JAK1: variants seen among roughly 807,000 people sequenced by gnomAD.
JAK1 encodes the protein Janus kinase 1.
JAK1 carries 16 observed loss-of-function variants against 136.6 expected under a neutral mutation model. The ratio of observed to expected loss-of-function variants is 0.12; its 90% CI spans 0.08 to 0.18. The LOEUF is 0.18. Ranked by LOEUF, JAK1 falls within the 10% of genes least tolerant of loss-of-function variation. JAK1 has a pLI of 1.00. For synonymous variants in JAK1, 492 were observed against 519.5 expected (o/e 0.95, Z 0.72); for missense variants, 859 against 1,450.1 (o/e 0.59, Z 6.62).
At chr1:64,877,278 T>C (rs954467098) in intron 4 of JAK1, among the ~76,000 whole-genome samples, 3 of 152,226 alleles carry the variant, frequency 2.0e-5, no homozygotes, top group African/African-American at 7.2e-5. Context: ...ATTATGAGGT[T>C]TCAAAATCTT....
At chr1:64,937,160 C>G (rs1645804325) in intron 1 of JAK1, among the ~76,000 whole-genome samples, 2 of 152,156 alleles carry the variant, frequency 1.3e-5, no homozygotes, top group Admixed American at 1.3e-4. Flanking sequence ...CACTGCCAAG[C>G]TGGCTCCCAG....
At chr1:64,983,953 C>A (rs975450565) in intron 2 of JAK1, among the ~76,000 whole-genome samples, 2 of 151,890 alleles carry the variant, frequency 1.3e-5, no homozygotes, top group African/African-American at 2.4e-5. Flanking sequence ...GGCACCACAT[C>A]ATTTACCCTC....
chr1:65,000,851 T>G (rs1185729948), intron 2 of JAK1, among the ~76,000 whole-genome samples: 1 of 145,350 alleles, frequency 6.9e-6, no homozygotes, highest in African/African-American at 2.6e-5. Context: ...AAAAGGAGGG[T>G]TTTTTTTTTG....
chr1:64,852,196 C>T (rs1655644751), intron 11 of JAK1, among the ~76,000 whole-genome samples: 1 of 152,238 alleles, frequency 6.6e-6, no homozygotes, highest in Admixed American at 6.5e-5. Flanking sequence ...TTATGACAAT[C>T]CTGTGGAATA....
intron 17 of JAK1, among the ~76,000 whole-genome samples, 181 bp downstream of exon 17, chr1:64,843,883 T>C (rs1342277185): frequency 6.6e-6 from 1 of 152,180 alleles, no homozygotes; most frequent in Non-Finnish European, 1.5e-5. Context: ...TTATAGATGA[T>C]GAAACTGAGG....
intron 1 of JAK1, among the ~76,000 whole-genome samples, chr1:64,915,815 T>C (rs1238318149): frequency 1.3e-5 from 2 of 152,186 alleles, no homozygotes; most frequent in Admixed American, 6.5e-5. Flanking sequence ...TAACTAGAGA[T>C]GTCAGGTGAA....
intron 2 of JAK1, chr1:64,974,801 CCAAT>C (rs1249821233): frequency 6.6e-6 from 1 of 152,242 alleles, no homozygotes; most frequent in Admixed American, 6.5e-5. Context: ...CTTGGTTAGG[CCAAT>C]CAGAGTCCTT....
chr1:64,862,700 G>A (rs1384598868), intron 8 of JAK1, among the ~76,000 whole-genome samples: 4 of 152,208 alleles, frequency 2.6e-5, no homozygotes, highest in Admixed American at 2.0e-4. Context: ...CATACACCAC[G>A]TTGAAGAGCC....
At chr1:65,047,427 A>T (rs1182551435) in intron 1 of JAK1, among the ~76,000 whole-genome samples, 1 of 152,138 alleles carries the variant, frequency 6.6e-6, no homozygotes, top group African/African-American at 2.4e-5. Context: ...ATAACTAAAA[A>T]GTCATACAAG....
At chr1:64,854,199 A>G (rs1262855385) in intron 11 of JAK1, among the ~76,000 whole-genome samples, 1 of 152,184 alleles carries the variant, frequency 6.6e-6, no homozygotes, top group Non-Finnish European at 1.5e-5. Flanking sequence ...TCAAGAACCC[A>G]GGTCCCTTTC....
chr1:64,970,934 C>T (rs555701405), upstream of JAK1, among the ~76,000 whole-genome samples: 1 of 152,174 alleles, frequency 6.6e-6, no homozygotes, highest in East Asian at 1.9e-4. Flanking sequence ...TAATAACAAC[C>T]ACCCAACCAT....
At chr1:64,913,654 A>AGGG (rs1396018628) in intron 1 of JAK1, among the ~76,000 whole-genome samples, 2 of 87,486 alleles carry the variant, frequency 2.3e-5, no homozygotes, top group African/African-American at 1.1e-4. Flanking sequence ...GAAGGAAGGA[A>AGGG]AGAAGGAAGG....
At chr1:64,941,940 C>A (rs186296933) in intron 1 of JAK1, 1 of 152,210 alleles carries the variant, frequency 6.6e-6, no homozygotes, top group African/African-American at 2.4e-5. Flanking sequence ...CCGACTGGAG[C>A]CCAGTCGGCC....
rs763192619 is a variant in JAK1 at position 64,836,237 on chromosome 1, A to G, written c.3141-22T>C. 6.4e-6 allele frequency: 9 copies of G among 1,401,958 alleles called. No individual in the cohort carries two copies. The East Asian group carries it at 2.1e-4, about 32-fold the overall frequency. The allele number at this position is 1,401,958 out of a possible 1,614,324, so 86.8% of individuals were successfully genotyped here. On this transcript the variant is annotated intron_variant, in intron 22 of 24. Coordinates refer to ENST00000342505, the MANE Select transcript of JAK1 (RefSeq NM_002227.4). The stretch of plus-strand genomic sequence containing the variant: ...ATACCTTGAAAGGAAGCAGAACACA[A>G]AACTTCATTTCCTGGGAGGCACACT...
intron 1 of JAK1, among the ~76,000 whole-genome samples, chr1:64,910,960 C>T (rs951854663): frequency 6.6e-6 from 1 of 151,902 alleles, no homozygotes; most frequent in Non-Finnish European, 1.5e-5. Flanking sequence ...AGCCATTTCC[C>T]GCTGGGGTTC....
At chr1:64,911,065 CA>C (rs1373757233) in intron 1 of JAK1, among the ~76,000 whole-genome samples, 1 of 126,162 alleles carries the variant, frequency 7.9e-6, no homozygotes, top group Non-Finnish European at 1.7e-5. Flanking sequence ...CCATGATAAA[CA>C]AGAAAATTAT....
rs1217834738 is a variant in JAK1 at position 65,055,405 on chromosome 1, A to G, written c.-180-10823T>C. On this transcript the variant is annotated intron_variant, in intron 1 of 25. Coordinates refer to the JAK1 transcript ENST00000671954. ...CATTTCATTTATCTACTTATCCATC[A>G]ATGGACACTTGGGTTGCTCCTTTTA... 2.0e-5 allele frequency among the ~76,000 whole-genome samples: 3 copies of G among 152,218 alleles called. No individual in the cohort carries two copies. In the East Asian group the frequency reaches 5.8e-4, roughly 29 times the overall value.
At chr1:65,055,913 T>A (rs1323316903) in intron 1 of JAK1, among the ~76,000 whole-genome samples, 1 of 152,136 alleles carries the variant, frequency 6.6e-6, no homozygotes, top group Non-Finnish European at 1.5e-5. Flanking sequence ...GAGGTCAAGG[T>A]TGGGTAAGTA....
At chr1:64,980,453 G>A (rs1296428668) in intron 2 of JAK1, among the ~76,000 whole-genome samples, 2 of 151,372 alleles carry the variant, frequency 1.3e-5, no homozygotes, top group African/African-American at 4.9e-5. Context: ...TTGCCCTCGC[G>A]TTCTCCATTG....
Sources: gnomAD v4.1 joint callset for allele counts (sites outside exome capture counted in the v4.1 genomes callset) on GRCh38, gnomAD v4.1.1 for gene constraint, MANE v1.5 for transcripts, NCBI Gene and HGNC (gene_info 2026-07-23, HGNC 2026-07-21) for gene names.